Variants in RBFOX1 observed in about 807,000 individuals in gnomAD.
RBFOX1 encodes the protein RNA binding protein fox-1 homolog 1.
A neutral mutation model predicts 57.7 loss-of-function variants in RBFOX1; 8 were observed. That is an observed-to-expected ratio of 0.14 (90% CI 0.08 to 0.25). The LOEUF (loss-of-function observed/expected upper bound fraction) is 0.25, where lower values mean the gene tolerates loss of function less well. Among genes scored for constraint, RBFOX1 ranks in the 10% least tolerant of loss-of-function variants. The pLI, the probability that RBFOX1 is intolerant of heterozygous loss-of-function variation, is 1.00. For missense variants in RBFOX1, 611 were observed against 548.5 expected (o/e 1.11, Z -1.14); for synonymous variants, 326 against 222.4 (o/e 1.47, Z -4.15).
intron 4 of RBFOX1, among the ~76,000 whole-genome samples, chr16:7,321,861 G>C (rs913207399): frequency 6.6e-6 from 1 of 152,180 alleles, no homozygotes; most frequent in Admixed American, 6.5e-5. Context: ...GAGGCTCTCT[G>C]TTGCCACCAG....
At chr16:7,607,511 C>G (rs1470061767) in intron 10 of RBFOX1, among the ~76,000 whole-genome samples, 173 bp downstream of exon 10, 8 of 152,174 alleles carry the variant, frequency 5.3e-5, no homozygotes, top group Admixed American at 5.2e-4. Flanking sequence ...TTAAAAATTA[C>G]AAGGGAATCG....
At chr16:5,591,761 C>T (rs553889187) in intron 2 of RBFOX1, among the ~76,000 whole-genome samples, 1 of 152,254 alleles carries the variant, frequency 6.6e-6, no homozygotes, top group African/African-American at 2.4e-5. Flanking sequence ...AACTTATTTA[C>T]TTGGCATCTG....
chr16:6,117,293 AT>A (rs1465614587), intron 1 of RBFOX1, among the ~76,000 whole-genome samples: 2 of 152,190 alleles, frequency 1.3e-5, no homozygotes, highest in African/African-American at 4.8e-5. Flanking sequence ...ACAAAAAAAA[AT>A]ATGCATGACA....
chr16:6,395,768 GT>G (rs1476185940), intron 2 of RBFOX1, among the ~76,000 whole-genome samples: 1 of 152,054 alleles, frequency 6.6e-6, no homozygotes, highest in African/African-American at 2.4e-5. Flanking sequence ...CAATAAAGCT[GT>G]TTTTTAACAT....
intron 3 of RBFOX1, among the ~76,000 whole-genome samples, chr16:6,978,915 C>A (rs560356402): frequency 5.3e-5 from 8 of 152,286 alleles, no homozygotes; most frequent in Admixed American, 2.0e-4. Flanking sequence ...ATTGGAAGGG[C>A]ACAGAGGCCT....
rs372163937 is a variant in RBFOX1 at position 6,780,917 on chromosome 16, G to A, written c.-16+126267G>A. Reference sequence around the variant, plus strand: ...TATTCTCTTGTCAGGTGGGTAGTTGGCAAATGTTTTCTTCCATTTTGTAGG... The same window carrying A: ...TATTCTCTTGTCAGGTGGGTAGTTGACAAATGTTTTCTTCCATTTTGTAGG... On this transcript the variant is annotated intron_variant, in intron 3 of 15. Transcript: ENST00000550418. 5.9e-5 allele frequency among the ~76,000 whole-genome samples: 9 copies of A among 152,074 alleles called. 2 individuals carry two copies. Among genetic ancestry groups the A allele is most frequent in the Admixed American group, 1.3e-4 (2 of 15,256 alleles).
intron 3 of RBFOX1, among the ~76,000 whole-genome samples, chr16:6,747,385 C>T (rs549178594): frequency 8.6e-5 from 13 of 151,174 alleles, no homozygotes; most frequent in South Asian, 4.2e-4. Context: ...CCAGACTGGG[C>T]GACAGAGTGA....
At chr16:5,611,765 G>C (rs59991542) in intron 3 of RBFOX1, among the ~76,000 whole-genome samples, 4 of 16,282 alleles carry the variant, frequency 2.5e-4, no homozygotes, top group South Asian at 3.7e-3. Flanking sequence ...CTTCTTTTCA[G>C]TCTCCCATCC....
At chr16:5,462,999 G>A (rs191109785) in intron 1 of RBFOX1, among the ~76,000 whole-genome samples, 24 of 152,300 alleles carry the variant, frequency 1.6e-4, no homozygotes, top group African/African-American at 5.8e-4. Context: ...AAAAGAAAGT[G>A]AGCAGATCAA....
At chr16:6,764,310 G>A (rs2077030826) in intron 3 of RBFOX1, among the ~76,000 whole-genome samples, 2 of 152,146 alleles carry the variant, frequency 1.3e-5, no homozygotes, top group South Asian at 2.1e-4. Flanking sequence ...ATCAAGCTCA[G>A]CAATTTTGAA....
intron 2 of RBFOX1, among the ~76,000 whole-genome samples, chr16:6,494,413 C>A (rs2095710037): frequency 6.6e-6 from 1 of 152,150 alleles, no homozygotes; most frequent in Non-Finnish European, 1.5e-5. Flanking sequence ...CATGAATCTG[C>A]CTTCCATTTG....
chr16:5,860,955 T>C (rs1381037580), intron 3 of RBFOX1, among the ~76,000 whole-genome samples: 1 of 152,184 alleles, frequency 6.6e-6, no homozygotes, highest in Non-Finnish European at 1.5e-5. Flanking sequence ...TTGCTCTCGC[T>C]TTTTGTGGCT....
chr16:5,515,374 G>A (rs1041958627), intron 2 of RBFOX1, among the ~76,000 whole-genome samples: 1 of 152,210 alleles, frequency 6.6e-6, no homozygotes, highest in Non-Finnish European at 1.5e-5. Context: ...CCTGGATCAA[G>A]TACAGGAAAG....
At chr16:6,705,421 C>T (rs2062560364) in intron 3 of RBFOX1, 1 of 152,162 alleles carries the variant, frequency 6.6e-6, no homozygotes. Flanking sequence ...TACCTACAGA[C>T]ATACATACAT....
intron 4 of RBFOX1, among the ~76,000 whole-genome samples, chr16:7,314,028 C>G (rs1013237058): frequency 5.0e-5 from 5 of 100,546 alleles, no homozygotes; most frequent in South Asian, 3.9e-4. Flanking sequence ...AACTTTGATG[C>G]TCTTCCCGAT....
At chr16:7,539,231 G>T (rs1187156668) in intron 5 of RBFOX1, among the ~76,000 whole-genome samples, 1 of 152,138 alleles carries the variant, frequency 6.6e-6, no homozygotes, top group Non-Finnish European at 1.5e-5. Context: ...GAAGATTAAG[G>T]AGGGAGGGAC....
chr16:6,404,117 C>G (rs971526043), intron 2 of RBFOX1, among the ~76,000 whole-genome samples: 2 of 152,214 alleles, frequency 1.3e-5, no homozygotes, highest in African/African-American at 2.4e-5. Context: ...CAACCAACCA[C>G]AGATCGAAAA....
At chr16:7,116,929 T>A (rs1455757492) in intron 4 of RBFOX1, among the ~76,000 whole-genome samples, 1 of 152,056 alleles carries the variant, frequency 6.6e-6, no homozygotes, top group Non-Finnish European at 1.5e-5. Context: ...TTGGGGTTCT[T>A]TGGGAGGATA....
intron 4 of RBFOX1, among the ~76,000 whole-genome samples, chr16:7,306,785 A>C (rs2096199312): frequency 6.6e-6 from 1 of 152,202 alleles, no homozygotes; most frequent in Non-Finnish European, 1.5e-5. Flanking sequence ...TAAAAGTCTC[A>C]AGTCACTTAT....
Sources: allele counts gnomAD v4.1 joint callset (sites outside exome capture counted in the v4.1 genomes callset), GRCh38; gene constraint gnomAD v4.1.1; transcripts MANE v1.5; gene names NCBI Gene and HGNC (gene_info 2026-07-23, HGNC 2026-07-21).